SENP7: variants seen among roughly 807,000 people sequenced by gnomAD.
SENP7 encodes sentrin-specific protease 7.
SENP7 carries 64 observed loss-of-function variants against 141.2 expected under a neutral mutation model. The observed-to-expected ratio is 0.45, with a 90% CI of 0.37 to 0.56. SENP7 has a LOEUF of 0.56. Ranked by LOEUF, SENP7 falls within the 20% of genes least tolerant of loss-of-function variation. SENP7 has a pLI of 0.00. For synonymous variants in SENP7, 382 were observed against 426.4 expected (o/e 0.90, Z 1.28); for missense variants, 1,025 against 1,212.2 (o/e 0.85, Z 2.29).
intron 1 of SENP7, among the ~76,000 whole-genome samples, chr3:101,501,387 G>C (rs1452471866): frequency 6.6e-6 from 1 of 151,352 alleles, no homozygotes; most frequent in Non-Finnish European, 1.5e-5. Flanking sequence ...AAAAGAAAGA[G>C]GAAAACTTGG....
intron 4 of SENP7, among the ~76,000 whole-genome samples, chr3:101,437,478 T>C (rs956952425): frequency 2.4e-4 from 36 of 152,216 alleles, no homozygotes; most frequent in Admixed American, 2.4e-3. Context: ...ACATCTCATG[T>C]AGCCCATAAA....
intron 3 of SENP7, among the ~76,000 whole-genome samples, chr3:101,489,993 T>C (rs1200670369): frequency 6.6e-6 from 1 of 152,188 alleles, no homozygotes; most frequent in Admixed American, 6.5e-5. Flanking sequence ...AAGACCAGCC[T>C]GACCAACATG....
chr3:101,479,793 A>T (rs1436025095), intron 3 of SENP7, among the ~76,000 whole-genome samples: 1 of 142,618 alleles, frequency 7.0e-6, no homozygotes, highest in Non-Finnish European at 1.5e-5. Flanking sequence ...CAACAGAGTG[A>T]GACTCTGTCA....
chr3:101,368,581 G>A (rs1314826939), intron 7 of SENP7, among the ~76,000 whole-genome samples: 2 of 120,926 alleles, frequency 1.7e-5, no homozygotes, highest in East Asian at 6.2e-4. Flanking sequence ...GTTGTAGGGT[G>A]GGGGGTGGGG....
At chr3:101,443,122 T>C (rs2062745795) in intron 4 of SENP7, among the ~76,000 whole-genome samples, 1 of 152,210 alleles carries the variant, frequency 6.6e-6, no homozygotes, top group African/African-American at 2.4e-5. Context: ...GAATTGATTT[T>C]TGTATAAGGT....
intron 4 of SENP7, among the ~76,000 whole-genome samples, chr3:101,453,158 A>C (rs2063212216): frequency 6.6e-6 from 1 of 152,234 alleles, no homozygotes; most frequent in African/African-American, 2.4e-5. Context: ...AATCAAAACC[A>C]CAATGAGATA....
chr3:101,347,162 T>C (rs1431735360), intron 13 of SENP7, among the ~76,000 whole-genome samples: 1 of 150,910 alleles, frequency 6.6e-6, no homozygotes, highest in African/African-American at 2.4e-5. Context: ...TTTGAGGTTG[T>C]GGGAAGCTAT....
chr3:101,457,878 T>C (rs2063411343), intron 4 of SENP7: 2 of 468,110 alleles, frequency 4.3e-6, no homozygotes, highest in Non-Finnish European at 3.8e-6. Flanking sequence ...ATGCAAAGTC[T>C]TCAGGATATG....
chr3:101,457,538 C>T lies in SENP7; in HGVS notation c.284+1417G>A. 1.9e-6 allele frequency: 3 copies of T among 1,605,908 alleles called. No individual in the cohort carries two copies. In the Admixed American group the frequency reaches 5.0e-5, roughly 27 times the overall value. On this transcript the variant is annotated intron_variant, in intron 4 of 23. Transcript: ENST00000394095. ...GGATCACTGTTCCTTGGTTTGTAAA[C>T]ATATGCACCTCTTCAATACCAAAGA...
At chr3:101,327,637 A>G (rs775011677) in intron 23 of SENP7, 29 bp downstream of exon 23, 1 of 1,561,002 alleles carries the variant, frequency 6.4e-7, no homozygotes. Flanking sequence ...GTAACTGTGA[A>G]TTAAAAACTT....
intron 13 of SENP7, among the ~76,000 whole-genome samples, chr3:101,345,380 T>C (rs1239923684): frequency 6.6e-6 from 1 of 152,256 alleles, no homozygotes; most frequent in Non-Finnish European, 1.5e-5. Flanking sequence ...TTGTCTATGA[T>C]TTCTTTCAGC....
intron 5 of SENP7, among the ~76,000 whole-genome samples, chr3:101,408,566 T>C (rs757558898): frequency 1.6e-4 from 25 of 151,928 alleles, no homozygotes; most frequent in Non-Finnish European, 2.5e-4. Context: ...CAACAACATG[T>C]CAAAAAGATA....
rs1279411077 is a variant in SENP7, at chr3:101,325,182, G to A, written c.*761C>T. ...TATTTATATAGCAGTACCTCAAGTT[G>A]AGCTACATGTATAATTTTTAAAAAA... is the stretch of plus-strand genomic sequence containing the variant. On this transcript the variant is annotated 3_prime_UTR_variant, in exon 24 of 24. Transcript: ENST00000394095. The A allele has an allele frequency of 6.6e-6, 1 of 151,810 alleles. No individual in the cohort carries two copies. The highest frequency in any genetic ancestry group is 1.5e-5 in the Non-Finnish European group (1 of 67,948). The allele number at this position is 151,810 out of a possible 1,614,324, so 9.4% of individuals were successfully genotyped here. A position where few individuals can be genotyped will look rare whatever the true frequency, so the allele number is the denominator to read the frequency against.
At chr3:101,372,208 C>T (rs2107439589) in intron 6 of SENP7, 82 bp from the exon 7 acceptor site, 1 of 608,482 alleles carries the variant, frequency 1.6e-6, no homozygotes, top group Non-Finnish European at 2.7e-6. Flanking sequence ...TTTAAAAATC[C>T]AACACATTAC....
chr3:101,335,553 A>G (rs1164447427), intron 17 of SENP7, among the ~76,000 whole-genome samples: 2 of 152,116 alleles, frequency 1.3e-5, no homozygotes, highest in African/African-American at 4.8e-5. Flanking sequence ...CTTACCCTAG[A>G]GGATGCCACT....
chr3:101,452,625 T>C (rs957575106), intron 4 of SENP7, among the ~76,000 whole-genome samples: 1 of 152,212 alleles, frequency 6.6e-6, no homozygotes, highest in African/African-American at 2.4e-5. Context: ...AAGCATTCCC[T>C]ATTTAATAAA....
intron 5 of SENP7, among the ~76,000 whole-genome samples, chr3:101,416,308 T>G (rs1280350158): frequency 6.6e-6 from 1 of 152,212 alleles, no homozygotes; most frequent in East Asian, 1.9e-4. Context: ...AAATTCCTAG[T>G]GGTAAAACTA....
intron 2 of SENP7, among the ~76,000 whole-genome samples, chr3:101,494,393 T>C (rs2065083452): frequency 6.6e-6 from 1 of 152,136 alleles, no homozygotes; most frequent in Admixed American, 6.6e-5. Context: ...ACTACAAAAC[T>C]ACAACCCAAC....
intron 6 of SENP7, among the ~76,000 whole-genome samples, chr3:101,391,586 G>A (rs1297756042): frequency 6.6e-6 from 1 of 152,066 alleles, no homozygotes; most frequent in African/African-American, 2.4e-5. Context: ...CAAGATCAAA[G>A]CAGTAATAAA....
Sources: gnomAD v4.1 joint callset for allele counts (sites outside exome capture counted in the v4.1 genomes callset) on GRCh38, gnomAD v4.1.1 for gene constraint, MANE v1.5 for transcripts, NCBI Gene and HGNC (gene_info 2026-07-23, HGNC 2026-07-21) for gene names.